The following FAM184B variants were observed in gnomAD, a reference collection of about 807,000 sequenced individuals.
The protein encoded by FAM184B is protein FAM184B.
FAM184B carries 111 observed loss-of-function variants against 135.9 expected under a neutral mutation model. That is an observed-to-expected ratio of 0.82 (90% confidence interval 0.70 to 0.96). The LOEUF is 0.96. Among genes scored for constraint, FAM184B ranks in the 40% least tolerant of loss-of-function variants. The pLI, the probability that FAM184B is intolerant of heterozygous loss-of-function variation, is 0.00. For synonymous variants in FAM184B, 552 were observed against 524.8 expected (o/e 1.05, Z -0.71); for missense variants, 1,375 against 1,323.9 (o/e 1.04, Z -0.60).
intron 7 of FAM184B, among the ~76,000 whole-genome samples, chr4:17,679,067 A>G (rs1172778993): frequency 2.6e-5 from 4 of 152,262 alleles, no homozygotes; most frequent in Non-Finnish European, 5.9e-5. Context: ...ACCCAAAACC[A>G]TAAAAATTCT....
chr4:17,683,134 C>G (rs1372101363), intron 7 of FAM184B, among the ~76,000 whole-genome samples: 1 of 152,198 alleles, frequency 6.6e-6, no homozygotes, highest in Non-Finnish European at 1.5e-5. Flanking sequence ...ACAGAGCTGG[C>G]TTGCCAAAAC....
At chr4:17,680,834 C>G (rs1716419607) in intron 7 of FAM184B, among the ~76,000 whole-genome samples, 1 of 152,186 alleles carries the variant, frequency 6.6e-6, no homozygotes, top group Non-Finnish European at 1.5e-5. Flanking sequence ...AGTTATTTAA[C>G]CTTTTCTGGA....
At chr4:17,645,198 C>G (rs1357176146) in intron 12 of FAM184B, among the ~76,000 whole-genome samples, 2 of 152,142 alleles carry the variant, frequency 1.3e-5, no homozygotes, top group South Asian at 2.1e-4. Context: ...ATCGAGCTAC[C>G]AATGACTTTC....
chr4:17,777,251 A>G (rs573989186), intron 1 of FAM184B, among the ~76,000 whole-genome samples: 1 of 152,242 alleles, frequency 6.6e-6, no homozygotes, highest in Non-Finnish European at 1.5e-5. Context: ...ATAATTTATT[A>G]TATGGTTTCA....
At chr4:17,721,054 C>A (rs539163141) in intron 1 of FAM184B, among the ~76,000 whole-genome samples, 1 of 151,926 alleles carries the variant, frequency 6.6e-6, no homozygotes, top group African/African-American at 2.4e-5. Flanking sequence ...CAAAGAGTGG[C>A]TGGCTCATGG....
chr4:17,660,392 G>C (rs1179177475), intron 8 of FAM184B, among the ~76,000 whole-genome samples: 1 of 152,132 alleles, frequency 6.6e-6, no homozygotes, highest in Non-Finnish European at 1.5e-5. Context: ...CTGTCAGAAT[G>C]ACTGAGAGCT....
chr4:17,745,849 G>C (rs1718147575), intron 1 of FAM184B, among the ~76,000 whole-genome samples: 1 of 152,150 alleles, frequency 6.6e-6, no homozygotes, highest in Admixed American at 6.5e-5. Context: ...ATTTTAGAGA[G>C]TTATCCCTGT....
intron 8 of FAM184B, 109 bp from the exon 9 acceptor site, chr4:17,660,196 C>A: frequency 1.6e-6 from 2 of 1,280,872 alleles, no homozygotes; most frequent in South Asian, 1.5e-5. Flanking sequence ...GCTCCGATAG[C>A]AGTTAGTGGG....
chr4:17,758,601 T>C (rs1327550176), intron 1 of FAM184B, among the ~76,000 whole-genome samples: 1 of 152,202 alleles, frequency 6.6e-6, no homozygotes, highest in Non-Finnish European at 1.5e-5. Flanking sequence ...CATTGAAACA[T>C]CTACAGAGGG....
chr4:17,745,349 C>T (rs560139756), intron 1 of FAM184B, among the ~76,000 whole-genome samples: 2 of 152,280 alleles, frequency 1.3e-5, no homozygotes, highest in South Asian at 2.1e-4. Context: ...CCTTTCACAC[C>T]TTTGGATTTG....
chr4:17,708,424 C>A (rs1317252251), intron 2 of FAM184B, among the ~76,000 whole-genome samples: 2 of 151,614 alleles, frequency 1.3e-5, no homozygotes, highest in Non-Finnish European at 2.9e-5. Context: ...GCAGGCGGAT[C>A]ACCTGAGGTC....
At chr4:17,683,107 C>T (rs957634304) in intron 7 of FAM184B, among the ~76,000 whole-genome samples, 2 of 152,180 alleles carry the variant, frequency 1.3e-5, no homozygotes, top group Non-Finnish European at 2.9e-5. Context: ...GGCAGAGCTT[C>T]GGCTCACCAG....
intron 1 of FAM184B, among the ~76,000 whole-genome samples, chr4:17,771,972 G>A (rs575981949): frequency 2.0e-5 from 3 of 152,276 alleles, no homozygotes; most frequent in Admixed American, 6.5e-5. Flanking sequence ...GATGAGGACC[G>A]TTGGCCCCTT....
chr4:17,690,428 A>G (rs753214882), intron 6 of FAM184B, among the ~76,000 whole-genome samples: 11 of 152,180 alleles, frequency 7.2e-5, no homozygotes, highest in Non-Finnish European at 1.0e-4. Flanking sequence ...ATTGTGAAGA[A>G]GATGGGGATT....
chr4:17,745,634 C>A (rs547496123), intron 1 of FAM184B, among the ~76,000 whole-genome samples: 1 of 152,300 alleles, frequency 6.6e-6, no homozygotes, highest in South Asian at 2.1e-4. Context: ...GTGCACCCTG[C>A]CTACTCCTGT....
At chr4:17,740,048 C>T (rs748522577) in intron 1 of FAM184B, among the ~76,000 whole-genome samples, 2 of 151,938 alleles carry the variant, frequency 1.3e-5, no homozygotes, top group African/African-American at 2.4e-5. Flanking sequence ...ACAAAACAGG[C>T]ACTCATAAAA....
intron 13 of FAM184B, among the ~76,000 whole-genome samples, chr4:17,639,895 C>A (rs1715257293): frequency 6.6e-6 from 1 of 151,334 alleles, no homozygotes; most frequent in Non-Finnish European, 1.5e-5. Flanking sequence ...ATGGCACGAT[C>A]TCGGCTCACT....
At position 17,732,513 on chromosome 4, in the gene FAM184B, C is replaced by T. The variant is rs866761265; in HGVS notation, c.142-22869G>A. 3.0e-4 allele frequency among the ~76,000 whole-genome samples: 46 copies of T among 152,202 alleles called. No individual in the cohort carries two copies. In the East Asian group the frequency reaches 5.0e-3, roughly 17 times the overall value. ...AAAATGATAAAGGGGATATCACCTC[C>T]GATCCCACAGAAATACAAACTACCA... On this transcript the variant is annotated intron_variant, in intron 1 of 17. Transcript: ENST00000265018.
intron 3 of FAM184B, among the ~76,000 whole-genome samples, chr4:17,707,256 T>C (rs2108965025): frequency 6.6e-6 from 1 of 152,244 alleles, no homozygotes. Flanking sequence ...TTGACAATAC[T>C]TATCACACAA....
Sources: gnomAD v4.1 joint callset for allele counts (sites outside exome capture counted in the v4.1 genomes callset) on GRCh38, gnomAD v4.1.1 for gene constraint, MANE v1.5 for transcripts, NCBI Gene and HGNC (gene_info 2026-07-23, HGNC 2026-07-21) for gene names.